NLGN4X: variants seen among roughly 807,000 people sequenced by gnomAD.
NLGN4X encodes neuroligin-4, X-linked.
Under a neutral mutation model 40.3 loss-of-function variants are expected in NLGN4X, and 3 were observed. The observed-to-expected ratio is 0.07, with a 90% CI of 0.03 to 0.19. The LOEUF is 0.19. NLGN4X is among the 10% of genes least tolerant of loss of function. The pLI is 1.00. For missense variants in NLGN4X, 382 were observed against 708.3 expected (o/e 0.54, Z 5.23); for synonymous variants, 270 against 306.8 (o/e 0.88, Z 1.25).
chrX:6,221,150 G>C (rs1178543910), intron 1 of NLGN4X, among the ~76,000 whole-genome samples: 2 of 106,014 alleles, frequency 1.9e-5, no homozygotes, highest in East Asian at 5.9e-4. Context: ...GAGTACACTG[G>C]CGTAATCATA....
intron 3 of NLGN4X, among the ~76,000 whole-genome samples, chrX:5,953,213 T>TA (rs1226331013): frequency 4.6e-5 from 5 of 109,643 alleles, no homozygotes; most frequent in Admixed American, 9.8e-5. Context: ...TACACAAAAT[T>TA]AAAAAAATAA....
At chrX:6,064,023 T>C (rs1262459429) in intron 2 of NLGN4X, among the ~76,000 whole-genome samples, 1 of 111,602 alleles carries the variant, frequency 9.0e-6, no homozygotes, top group Non-Finnish European at 1.9e-5. Context: ...ATTTCTGTCC[T>C]ATTTTTAGAT....
intron 1 of NLGN4X, among the ~76,000 whole-genome samples, chrX:6,196,770 GACTCA>G (rs1242466984): frequency 9.1e-6 from 1 of 110,141 alleles, no homozygotes; most frequent in South Asian, 4.0e-4. Context: ...CCTCCATGCA[GACTCA>G]ACTGTCTTTC....
At chrX:6,213,990 TAGATGGGG>T (rs1266668857) in intron 1 of NLGN4X, among the ~76,000 whole-genome samples, 4 of 111,981 alleles carry the variant, frequency 3.6e-5, no homozygotes, top group African/African-American at 1.3e-4. Context: ...CTCAAATCCT[TAGATGGGG>T]AGTTGTAAAA....
rs149817952 is a variant in NLGN4X, at chrX:6,009,204, T to C, written c.625+20076A>G. Among the ~76,000 whole-genome samples, 269 of 112,142 alleles carry C rather than the reference T, an allele frequency of 2.4e-3. 1 individual carries two copies. The highest frequency in any genetic ancestry group is 6.7e-3 in the African/African-American group (207 of 30,930). ...GAATAACATGGTTAAGGACTGCGTA[T>C]ACAAATATCTCCTGGAATTCCTGCT... is the stretch of plus-strand genomic sequence containing the variant. On this transcript the variant is annotated intron_variant, in intron 3 of 5. Transcript: ENST00000381095.
At chrX:5,989,055 G>A (rs970701319) in intron 3 of NLGN4X, among the ~76,000 whole-genome samples, 5 of 104,910 alleles carry the variant, frequency 4.8e-5, no homozygotes, top group Admixed American at 1.0e-4. Flanking sequence ...GCGACAGAGC[G>A]AGACTCTGTC....
chrX:6,191,749 C>T (rs1922558929), intron 1 of NLGN4X, among the ~76,000 whole-genome samples: 1 of 111,288 alleles, frequency 9.0e-6, no homozygotes, highest in African/African-American at 3.3e-5. Context: ...ATCCCAGCTA[C>T]TCGGGAGGCT....
chrX:5,984,138 T>G (rs758581540), intron 3 of NLGN4X, among the ~76,000 whole-genome samples: 13 of 111,027 alleles, frequency 1.2e-4, no homozygotes, highest in Non-Finnish European at 1.9e-4. Context: ...GACTTTAAAA[T>G]AACTAGGAAG....
At chrX:5,959,125 C>T (rs191943757) in intron 3 of NLGN4X, among the ~76,000 whole-genome samples, 49 of 112,042 alleles carry the variant, frequency 4.4e-4, no homozygotes, top group African/African-American at 1.4e-3. Context: ...CTTCCATAAA[C>T]TTGTGAGAGG....
At position 6,022,333 on chromosome X, in the gene NLGN4X, G is replaced by A. The variant is rs139369979; in HGVS notation, c.625+6947C>T. On this transcript the variant is annotated intron_variant, in intron 3 of 5. Coordinates refer to ENST00000381095, the MANE Select transcript of NLGN4X (RefSeq NM_181332.3). ...TGATGCTTTCTTTTTTAATATATACGCTTATGAACTTTTGACTTGATACAT... is the reference window on the plus strand; with the variant it reads ...TGATGCTTTCTTTTTTAATATATACACTTATGAACTTTTGACTTGATACAT... Among the ~76,000 whole-genome samples the A allele has an allele frequency of 2.6e-3, 286 of 111,645 alleles. 1 individual carries two copies. Among genetic ancestry groups the A allele is most frequent in the African/African-American group, 7.1e-3 (218 of 30,743 alleles).
chrX:5,935,030 A>C (rs1276850769), intron 3 of NLGN4X, among the ~76,000 whole-genome samples: 1 of 112,144 alleles, frequency 8.9e-6, no homozygotes, highest in East Asian at 2.8e-4. Context: ...CTTTCTACAC[A>C]GCTACTATTA....
chrX:6,135,369 T>C (rs1438755409), intron 2 of NLGN4X, among the ~76,000 whole-genome samples: 1 of 112,267 alleles, frequency 8.9e-6, no homozygotes, highest in African/African-American at 3.2e-5. Flanking sequence ...CAAGTTCCTC[T>C]TTTTAGCTGA....
intron 3 of NLGN4X, among the ~76,000 whole-genome samples, chrX:5,910,564 C>A (rs867574554): frequency 9.0e-6 from 1 of 111,131 alleles, no homozygotes; most frequent in South Asian, 3.8e-4. Context: ...CCAAAGTTGA[C>A]GGCATTCCAA....
At chrX:6,198,524 T>C (rs764268316) in intron 1 of NLGN4X, among the ~76,000 whole-genome samples, 3 of 111,835 alleles carry the variant, frequency 2.7e-5, no homozygotes, top group Non-Finnish European at 5.6e-5. Context: ...AGGGAAGGGA[T>C]CCTAAAGATG....
Position 5,903,116 on chromosome X carries a change from G to A in NLGN4X, c.1562C>T (p.Ala521Val), listed in dbSNP as rs1437961179. ...NFSKNDVMLSAVVMTYWTNFA... is the reference protein window; with the variant it reads ...NFSKNDVMLSVVVMTYWTNFA... ...GTTCGTCCAGTAGGTCATGACCACG[G>A]CGCTGAGCATGACGTCGTTCTTGGA... Residue 521 changes from alanine to valine, a missense_variant, in exon 5 of 6, where the codon GCC (alanine) becomes GTC (valine). Physicochemically the swap from Ala to Val is moderately conservative, Grantham distance 64. Coordinates refer to ENST00000381095, the MANE Select transcript of NLGN4X (RefSeq NM_181332.3). The A allele has an allele frequency of 8.2e-7, 1 of 1,212,139 alleles. No individual in the cohort carries two copies. Among genetic ancestry groups the A allele is most frequent in the Non-Finnish European group, 1.1e-6 (1 of 895,634 alleles).
At chrX:6,026,421 T>C (rs1346493460) in intron 3 of NLGN4X, among the ~76,000 whole-genome samples, 1 of 112,083 alleles carries the variant, frequency 8.9e-6, no homozygotes, top group Non-Finnish European at 1.9e-5. Flanking sequence ...GCCTGCTGTG[T>C]ATTTTATTTG....
intron 2 of NLGN4X, among the ~76,000 whole-genome samples, chrX:6,110,877 C>A (rs1319858592): frequency 1.8e-5 from 2 of 111,545 alleles, no homozygotes; most frequent in African/African-American, 6.5e-5. Flanking sequence ...CAAACCTGTT[C>A]CTGAATCTGC....
chrX:6,208,432 T>C (rs776106236), intron 1 of NLGN4X, among the ~76,000 whole-genome samples: 1 of 112,460 alleles, frequency 8.9e-6, no homozygotes, highest in African/African-American at 3.2e-5. Context: ...CAAATGTCAA[T>C]CCGATTCTCA....
chrX:6,049,624 C>A (rs2037425374), intron 2 of NLGN4X, among the ~76,000 whole-genome samples: 1 of 106,871 alleles, frequency 9.4e-6, no homozygotes, highest in African/African-American at 3.4e-5. Flanking sequence ...GTATGTTTTT[C>A]TCCTGCTGAT....
Sources: gnomAD v4.1 joint callset for allele counts (sites outside exome capture counted in the v4.1 genomes callset) on GRCh38, gnomAD v4.1.1 for gene constraint, MANE v1.5 for transcripts, NCBI Gene and HGNC (gene_info 2026-07-23, HGNC 2026-07-21) for gene names.